IGF1: variants seen among roughly 807,000 people sequenced by gnomAD.
IGF1 encodes insulin like growth factor 1.
IGF1 carries 4 observed loss-of-function variants against 13.8 expected under a neutral mutation model. The observed-to-expected ratio is 0.29, with a 90% confidence interval of 0.14 to 0.66. IGF1 has a LOEUF of 0.66. IGF1 is among the 30% of genes least tolerant of loss of function. The pLI is 0.78. For synonymous variants in IGF1, 76 were observed against 72.6 expected, an observed-to-expected ratio of 1.05 and a Z score of -0.23; for missense variants, 124 against 188.5, an observed-to-expected ratio of 0.66 and a Z score of 2.00.
At chr12:102,432,487 G>A (rs1228221995) in intron 2 of IGF1, among the ~76,000 whole-genome samples, 1 of 152,142 alleles carries the variant, frequency 6.6e-6, no homozygotes, top group East Asian at 1.9e-4. Flanking sequence ...TTTGCATAAG[G>A]ACCAGAGGAA....
At chr12:102,420,961 T>C (rs1201166309) in intron 2 of IGF1, among the ~76,000 whole-genome samples, 1 of 152,210 alleles carries the variant, frequency 6.6e-6, no homozygotes, top group Non-Finnish European at 1.5e-5. Flanking sequence ...TACTTGAGGA[T>C]AGGGTTTGGA....
intron 2 of IGF1, among the ~76,000 whole-genome samples, chr12:102,424,225 T>C (rs547106183): frequency 6.7e-6 from 1 of 150,326 alleles, no homozygotes; most frequent in South Asian, 2.1e-4. Context: ...AGGAAGAGGT[T>C]CCAAAGTTGA....
intron 3 of IGF1, among the ~76,000 whole-genome samples, chr12:102,408,443 C>T (rs1028671788): frequency 6.6e-6 from 1 of 152,164 alleles, no homozygotes; most frequent in Non-Finnish European, 1.5e-5. Context: ...ACTTCAAAAC[C>T]AAAGAACAAG....
At chr12:102,428,723 A>C (rs1316235275) in intron 2 of IGF1, among the ~76,000 whole-genome samples, 3 of 152,226 alleles carry the variant, frequency 2.0e-5, no homozygotes, top group Non-Finnish European at 4.4e-5. Flanking sequence ...TTTCGGCCCC[A>C]GGAGGACTGT....
At chr12:102,458,234 G>A (rs974076706) in intron 2 of IGF1, among the ~76,000 whole-genome samples, 4 of 152,168 alleles carry the variant, frequency 2.6e-5, no homozygotes, top group Non-Finnish European at 4.4e-5. Context: ...TTTTTCTAGC[G>A]TATTTGTGCT....
intron 3 of IGF1, 104 bp downstream of exon 3, chr12:102,419,405 C>T: frequency 8.5e-7 from 1 of 1,169,694 alleles, no homozygotes; most frequent in Non-Finnish European, 1.2e-6. Context: ...GCTTTTCTGA[C>T]TTGTAAGCCA....
At chr12:102,442,608 C>G (rs906372006) in intron 2 of IGF1, among the ~76,000 whole-genome samples, 2 of 152,070 alleles carry the variant, frequency 1.3e-5, no homozygotes, top group Admixed American at 1.3e-4. Context: ...TCTTATGATA[C>G]TGACAAGTTT....
chr12:102,417,387 GC>G (rs1304025590), intron 3 of IGF1: 1 of 274,608 alleles, frequency 3.6e-6, no homozygotes, highest in Non-Finnish European at 5.6e-6. Flanking sequence ...ATTCAGTCTT[GC>G]TGAGCATTTG....
rs17879693 is a variant in IGF1 at position 102,465,500 on chromosome 12, G to C, written c.220+10143C>G. On this transcript the variant is annotated intron_variant, in intron 2 of 3. Transcript: ENST00000337514. ...TCTGACTGTTTCTGAGCAATTGAAT[G>C]ACTGTGATAGGACTCAGATAGGAAA... is the stretch of plus-strand genomic sequence containing the variant. Among the ~76,000 whole-genome samples the C allele has an allele frequency of 4.4e-3, 667 of 152,322 alleles. 8 individuals carry two copies. The highest frequency in any genetic ancestry group is 0.015 in the African/African-American group (627 of 41,568).
intron 1 of IGF1, among the ~76,000 whole-genome samples, chr12:102,478,139 T>A (rs1274079922): frequency 1.3e-5 from 2 of 151,924 alleles, no homozygotes; most frequent in African/African-American, 4.8e-5. Flanking sequence ...AATTTTATGT[T>A]CCCACAAATG....
chr12:102,454,813 A>G (rs1276876562), intron 2 of IGF1, among the ~76,000 whole-genome samples: 2 of 152,226 alleles, frequency 1.3e-5, no homozygotes, highest in Non-Finnish European at 2.9e-5. Context: ...GAGAGGGAAG[A>G]AGAAGGCTTT....
intron 2 of IGF1, among the ~76,000 whole-genome samples, chr12:102,441,948 T>TCTCCTTCTCCTTCTCCTTCTCCTTCTC (rs1877857871): frequency 1.4e-5 from 2 of 143,476 alleles, no homozygotes; most frequent in East Asian, 2.0e-4. Context: ...TTCTTCTTCT[T>TCTCCTTCTCCTTCTCCTTCTCCTTCTC]CTTCTTCTTT....
chr12:102,476,009 C>G (rs1881005287), intron 1 of IGF1, among the ~76,000 whole-genome samples: 1 of 152,198 alleles, frequency 6.6e-6, no homozygotes, highest in South Asian at 2.1e-4. Context: ...ATTCCCCTGG[C>G]TACTGTGGAT....
intron 2 of IGF1, among the ~76,000 whole-genome samples, chr12:102,430,166 C>T (rs531816276): frequency 6.6e-6 from 1 of 152,264 alleles, no homozygotes; most frequent in South Asian, 2.1e-4. Flanking sequence ...TAGCTCTGCT[C>T]TGCTCAAGCA....
At chr12:102,438,309 C>T (rs965695287) in intron 2 of IGF1, among the ~76,000 whole-genome samples, 4 of 152,166 alleles carry the variant, frequency 2.6e-5, no homozygotes, top group Non-Finnish European at 5.9e-5. Flanking sequence ...GGAATCACAT[C>T]CCAAATGCCA....
chr12:102,443,777 CA>C (rs1406296300), intron 2 of IGF1, among the ~76,000 whole-genome samples: 1 of 151,776 alleles, frequency 6.6e-6, no homozygotes, highest in Non-Finnish European at 1.5e-5. Context: ...CAACAGTAGG[CA>C]AAAAACAGGC....
chr12:102,478,553 C>G, intron 1 of IGF1: 1 of 1,602,912 alleles, frequency 6.2e-7, no homozygotes, highest in South Asian at 1.1e-5. Context: ...ATTATGAGGC[C>G]GATGTGAATA....
At chr12:102,449,928 G>A (rs1352026140) in intron 2 of IGF1, among the ~76,000 whole-genome samples, 2 of 152,060 alleles carry the variant, frequency 1.3e-5, no homozygotes, top group Admixed American at 6.5e-5. Flanking sequence ...AAAGAACACC[G>A]GGCTCACGGA....
intron 2 of IGF1, among the ~76,000 whole-genome samples, chr12:102,456,335 A>G (rs910128441): frequency 6.6e-6 from 1 of 152,018 alleles, no homozygotes; most frequent in Non-Finnish European, 1.5e-5. Flanking sequence ...ACTAAACTGG[A>G]CATAAATTCA....
Sources: gnomAD v4.1 joint callset for allele counts (sites outside exome capture counted in the v4.1 genomes callset) on GRCh38, gnomAD v4.1.1 for gene constraint, MANE v1.5 for transcripts, NCBI Gene and HGNC (gene_info 2026-07-23, HGNC 2026-07-21) for gene names.